NCOR1: variants seen among roughly 807,000 people sequenced by gnomAD.
NCOR1 encodes nuclear receptor corepressor 1.
In NCOR1, 63 loss-of-function variants were observed where a neutral mutation model predicts 288.1. That is an observed-to-expected ratio of 0.22 (90% CI 0.18 to 0.27). The LOEUF (loss-of-function observed/expected upper bound fraction) is 0.27. Ranked by LOEUF, NCOR1 falls within the 10% of genes least tolerant of loss-of-function variation. The pLI, the probability that NCOR1 is intolerant of heterozygous loss-of-function variation, is 1.00. For missense variants in NCOR1, 2,397 were observed against 3,019.2 expected (o/e 0.79, Z 4.83); for synonymous variants, 1,007 against 1,065.9 (o/e 0.94, Z 1.08).
chr17:16,130,321 A>T (rs536881869), intron 14 of NCOR1, among the ~76,000 whole-genome samples: 1 of 152,366 alleles, frequency 6.6e-6, no homozygotes, highest in Non-Finnish European at 1.5e-5. Flanking sequence ...AAATCTGTAA[A>T]GAGAAGTGCC....
chr17:16,149,980 A>G (rs1331783756), intron 8 of NCOR1, among the ~76,000 whole-genome samples: 2 of 152,164 alleles, frequency 1.3e-5, no homozygotes, highest in African/African-American at 4.8e-5. Context: ...TGCTTTAAAC[A>G]GAAGATTTTC....
rs1973726975 is a variant in NCOR1 at position 16,034,622 on chromosome 17, C to T, written c.7135+143G>A. ...GACCCCTCAAAAAAATACTTCTATT[C>T]GGGAAAGTGGAACATATTAATGATA... is the stretch of plus-strand genomic sequence containing the variant. On this transcript the variant is annotated intron_variant, in intron 45 of 45. Coordinates refer to ENST00000268712, the MANE Select transcript of NCOR1 (RefSeq NM_006311.4). 15 of 766,770 alleles carry T rather than the reference C, an allele frequency of 2.0e-5. 1 individual carries two copies. Among genetic ancestry groups the T allele is most frequent in the East Asian group, 7.7e-5 (3 of 39,010 alleles). The allele number at this position is 766,770 out of a possible 1,614,324, so 47.5% of individuals were successfully genotyped here. A position where few individuals can be genotyped will look rare whatever the true frequency, so the allele number is the denominator to read the frequency against.
chr17:16,033,143 C>T (rs890744329), intron 45 of NCOR1, among the ~76,000 whole-genome samples: 1 of 152,042 alleles, frequency 6.6e-6, no homozygotes, highest in African/African-American at 2.4e-5. Context: ...GTCGGGAGTT[C>T]AAGACCAGCC....
intron 23 of NCOR1, among the ~76,000 whole-genome samples, chr17:16,085,167 T>A (rs2064024019): frequency 6.6e-6 from 1 of 152,190 alleles, no homozygotes; most frequent in East Asian, 1.9e-4. Context: ...AATAAGCACA[T>A]GAAAAGTGCC....
At position 16,086,263 on chromosome 17, in the gene NCOR1, TAA is replaced by T. The variant is rs1198235099; in HGVS notation, c.3177+17_3177+18del. On this transcript the variant is annotated intron_variant, in intron 23 of 45. Transcript: ENST00000268712. The stretch of plus-strand genomic sequence containing the variant: ...GCCATATTCAACAAGAAATCTACTG[TAA>T]AGAGAAGTCGTTTCACCTGTGAGAT... The T allele has an allele frequency of 6.2e-7, 1 of 1,609,722 alleles. No individual in the cohort carries two copies. The highest frequency in any genetic ancestry group is 1.7e-5 in the Admixed American group (1 of 59,956).
intron 5 of NCOR1, among the ~76,000 whole-genome samples, chr17:16,162,283 A>G (rs2081012503): frequency 1.3e-5 from 2 of 152,082 alleles, no homozygotes; most frequent in Admixed American, 6.5e-5. Context: ...AAAAATAAGA[A>G]AGAGAAACAA....
intron 9 of NCOR1, among the ~76,000 whole-genome samples, chr17:16,148,715 C>G: frequency 1.1e-5 from 1 of 87,438 alleles, no homozygotes; most frequent in Non-Finnish European, 2.2e-5. Flanking sequence ...TAATTTAAGA[C>G]AGTATCTGAT....
chr17:16,172,044 C>CAACT (rs758978044), intron 3 of NCOR1, 49 bp from the exon 4 acceptor site: 1 of 1,407,802 alleles, frequency 7.1e-7, no homozygotes, highest in East Asian at 2.4e-5. Context: ...AAGTGATGTA[C>CAACT]AACTCCCTGG....
intron 3 of NCOR1, among the ~76,000 whole-genome samples, chr17:16,183,363 T>TAA (rs150925370): frequency 6.9e-6 from 1 of 144,862 alleles, no homozygotes. Context: ...TTCTACACAT[T>TAA]AAAAAAAAAA....
At chr17:16,070,976 C>A (rs2061684549) in intron 30 of NCOR1, among the ~76,000 whole-genome samples, 1 of 151,320 alleles carries the variant, frequency 6.6e-6, no homozygotes, top group South Asian at 2.1e-4. Context: ...TTGCAGTGAG[C>A]CAAGATCGTG....
At chr17:16,213,582 G>A (rs2092331343) in intron 1 of NCOR1, among the ~76,000 whole-genome samples, 2 of 151,438 alleles carry the variant, frequency 1.3e-5, no homozygotes, top group African/African-American at 2.4e-5. Flanking sequence ...AAGATAGAAA[G>A]TGTAAATGCC....
At chr17:16,120,426 T>C (rs2072751076) in intron 16 of NCOR1, among the ~76,000 whole-genome samples, 1 of 152,096 alleles carries the variant, frequency 6.6e-6, no homozygotes. Flanking sequence ...ATCTAGTTAG[T>C]GCCCCTATCT....
Position 16,061,545 on chromosome 17 carries a change from A to G in NCOR1, c.5737T>C (p.Ser1913Pro). Residue 1913 changes from serine to proline, a missense_variant, in exon 37 of 46, where the codon TCC (serine) becomes CCC (proline). Around this residue, in one of 11 missense-constraint regions of NCOR1, gnomAD observed 1,872 missense variants for 2,187.8 expected, o/e 0.86. Coordinates refer to ENST00000268712, the MANE Select transcript of NCOR1 (RefSeq NM_006311.4). ...GTCCTTAGCTCTTCCTCATATCTGG[A>G]TTTTGGAGGAGGCCCTTTATCTTTC... Reference protein sequence around the residue: ...AGKDKGPPPKSRYEEELRTRG... With the variant: ...AGKDKGPPPKPRYEEELRTRG... 6.2e-7 allele frequency: 1 copy of G among 1,614,152 alleles called. No homozygotes were observed. Among genetic ancestry groups the G allele is most frequent in the Non-Finnish European group, 8.5e-7 (1 of 1,180,028 alleles).
chr17:16,095,275 G>A (rs1387161121), intron 21 of NCOR1, among the ~76,000 whole-genome samples: 1 of 150,130 alleles, frequency 6.7e-6, no homozygotes, highest in Non-Finnish European at 1.5e-5. Context: ...TGGGAGGTGA[G>A]GAGCGTCTCT....
At chr17:16,181,733 A>T (rs1455177974) in intron 3 of NCOR1, among the ~76,000 whole-genome samples, 1 of 152,230 alleles carries the variant, frequency 6.6e-6, no homozygotes, top group Non-Finnish European at 1.5e-5. Context: ...TGTAAAAATC[A>T]TTCTTAACTT....
chr17:16,159,048 T>C (rs527447038), intron 5 of NCOR1, among the ~76,000 whole-genome samples, 175 bp from the exon 6 acceptor site: 1 of 151,808 alleles, frequency 6.6e-6, no homozygotes, highest in Admixed American at 6.6e-5. Flanking sequence ...CAGATTTATT[T>C]CATAACCAAA....
chr17:16,058,454 A>G lies in NCOR1; in HGVS notation c.6010+17T>C. ...GCAAATATGAAAACATGTAAATGGT[A>G]GCTTAAGAAGACATACTTTCCGCTT... is the stretch of plus-strand genomic sequence containing the variant. On this transcript the variant is annotated intron_variant, in intron 38 of 45. Transcript: ENST00000268712. 3.1e-6 allele frequency: 5 copies of G among 1,610,982 alleles called. No individual in the cohort carries two copies. Among genetic ancestry groups the G allele is most frequent in the Non-Finnish European group, 3.4e-6 (4 of 1,178,710 alleles).
At chr17:16,052,748 G>A (rs975217719) in intron 40 of NCOR1, among the ~76,000 whole-genome samples, 1 of 152,158 alleles carries the variant, frequency 6.6e-6, no homozygotes, top group Admixed American at 6.5e-5. Flanking sequence ...CTCATTCTAT[G>A]AGGCCAGCAT....
At chr17:16,152,980 T>G (rs561125527) in intron 7 of NCOR1, among the ~76,000 whole-genome samples, 96 of 152,332 alleles carry the variant, frequency 6.3e-4, no homozygotes, top group African/African-American at 2.2e-3. Flanking sequence ...AGTATATTTA[T>G]GCACAGATTT....
Sources: allele counts gnomAD v4.1 joint callset (sites outside exome capture counted in the v4.1 genomes callset), GRCh38; gene constraint gnomAD v4.1.1; regional missense constraint gnomAD v4.1.1; transcripts MANE v1.5; gene names NCBI Gene and HGNC (gene_info 2026-07-23, HGNC 2026-07-21).